ADAMTS6: variants seen among roughly 807,000 people sequenced by gnomAD.
ADAMTS6 encodes A disintegrin and metalloproteinase with thrombospondin motifs 6.
A neutral mutation model predicts 144.3 loss-of-function variants in ADAMTS6; 23 were observed. The ratio of observed to expected loss-of-function variants is 0.16; its 90% confidence interval spans 0.11 to 0.23. ADAMTS6 has a LOEUF of 0.23. Among genes scored for constraint, ADAMTS6 ranks in the 10% least tolerant of loss-of-function variants. ADAMTS6 has a pLI of 1.00. For synonymous variants in ADAMTS6, 444 were observed against 457.5 expected (o/e 0.97, Z 0.38); for missense variants, 999 against 1,379.6 (o/e 0.72, Z 4.37).
intron 9 of ADAMTS6, among the ~76,000 whole-genome samples, chr5:65,317,517 T>C (rs1745126554): frequency 6.6e-6 from 1 of 152,138 alleles, no homozygotes; most frequent in Non-Finnish European, 1.5e-5. Flanking sequence ...TACTGAGTAA[T>C]ATCCCACAAG....
At chr5:65,422,615 C>T (rs912178541) in intron 7 of ADAMTS6, among the ~76,000 whole-genome samples, 5 of 148,830 alleles carry the variant, frequency 3.4e-5, no homozygotes, top group Admixed American at 6.7e-5. Context: ...AGCGAGACTA[C>T]GTCTCAAAAA....
intron 11 of ADAMTS6, 85 bp from the exon 12 acceptor site, chr5:65,273,532 T>A: frequency 1.8e-6 from 2 of 1,107,188 alleles, no homozygotes; most frequent in East Asian, 2.4e-5. Context: ...CACTCTGCAT[T>A]ACTTTCAAGA....
intron 20 of ADAMTS6, among the ~76,000 whole-genome samples, chr5:65,199,845 G>C (rs1755621851): frequency 6.6e-6 from 1 of 152,182 alleles, no homozygotes; most frequent in African/African-American, 2.4e-5. Context: ...ATTATGAATT[G>C]ACTTAATTTT....
At chr5:65,158,960 T>C (rs530826518) in intron 24 of ADAMTS6, among the ~76,000 whole-genome samples, 1 of 152,312 alleles carries the variant, frequency 6.6e-6, no homozygotes, top group East Asian at 1.9e-4. Context: ...TCAAATTCCA[T>C]TATCTTATTA....
intron 15 of ADAMTS6, among the ~76,000 whole-genome samples, chr5:65,239,231 C>G (rs1758949967): frequency 6.8e-6 from 1 of 146,678 alleles, no homozygotes; most frequent in Non-Finnish European, 1.5e-5. Context: ...CAAACCTGTA[C>G]ATTGTGCACA....
chr5:65,268,335 G>A (rs538906275), intron 12 of ADAMTS6, among the ~76,000 whole-genome samples: 9 of 152,172 alleles, frequency 5.9e-5, no homozygotes, highest in Non-Finnish European at 1.2e-4. Flanking sequence ...ATTGGGTTTT[G>A]ATTATCCTTA....
chr5:65,293,914 G>T (rs753811887), intron 10 of ADAMTS6, among the ~76,000 whole-genome samples: 7 of 152,118 alleles, frequency 4.6e-5, no homozygotes, highest in Non-Finnish European at 8.8e-5. Flanking sequence ...AACACCATAT[G>T]AAATAAAATA....
chr5:65,215,503 C>T lies in ADAMTS6; in HGVS notation c.2273-16G>A, dbSNP rs1431948171. The T allele has an allele frequency of 1.3e-6, 2 of 1,593,364 alleles. No homozygotes were observed. The highest frequency in any genetic ancestry group is 2.7e-5 in the African/African-American group (2 of 73,970). ...GATTTTAAAGCTAGAAAACAAATCA[C>T]AATTCACCTAAAAATGTGAAATTTC... On this transcript the variant is annotated splice_polypyrimidine_tract_variant and intron_variant, in intron 18 of 24. Transcript: ENST00000381055.
At position 65,473,896 on chromosome 5, in the gene ADAMTS6, G is replaced by A. The variant is rs562347855; in HGVS notation, c.-223C>T. 213 of 515,336 alleles carry A rather than the reference G, an allele frequency of 4.1e-4. No individual in the cohort carries two copies. The highest frequency in any genetic ancestry group is 1.5e-3 in the Middle Eastern group (3 of 1,990). 31.9% of individuals were successfully genotyped at this position (515,336 alleles called of 1,614,324 possible). On this transcript the variant is annotated 5_prime_UTR_variant, in exon 2 of 25. Coordinates refer to ENST00000381055, the MANE Select transcript of ADAMTS6 (RefSeq NM_197941.4). ...AATGAAAAAAATAATGATGGTAAAA[G>A]TTTTCATAAGCAAAGCATTAGGCTG...
At chr5:65,358,324 A>G (rs1277285625) in intron 7 of ADAMTS6, among the ~76,000 whole-genome samples, 1 of 151,980 alleles carries the variant, frequency 6.6e-6, no homozygotes, top group African/African-American at 2.4e-5. Context: ...CCTAAACACA[A>G]TAAAGATCCT....
intron 7 of ADAMTS6, among the ~76,000 whole-genome samples, chr5:65,392,589 T>C (rs566213665): frequency 6.6e-6 from 1 of 152,352 alleles, no homozygotes; most frequent in African/African-American, 2.4e-5. Context: ...GTAGGATCCC[T>C]GTGTTCTTGT....
At chr5:65,362,542 T>C (rs886511896) in intron 7 of ADAMTS6, among the ~76,000 whole-genome samples, 6 of 152,316 alleles carry the variant, frequency 3.9e-5, no homozygotes, top group South Asian at 2.1e-4. Flanking sequence ...AAAATAAAAT[T>C]ATAAATCTAG....
chr5:65,179,419 C>T (rs1754192213), intron 22 of ADAMTS6, among the ~76,000 whole-genome samples: 1 of 152,066 alleles, frequency 6.6e-6, no homozygotes, highest in African/African-American at 2.4e-5. Flanking sequence ...CTGGTGGGGG[C>T]TCATAAATGA....
intron 17 of ADAMTS6, 41 bp downstream of exon 17, chr5:65,224,883 T>C (rs1351832303): frequency 1.3e-6 from 2 of 1,561,628 alleles, no homozygotes; most frequent in South Asian, 2.5e-5. Flanking sequence ...CTCCTCCAAG[T>C]ACACCAGAGG....
At chr5:65,255,578 A>T (rs1760579866) in intron 14 of ADAMTS6, among the ~76,000 whole-genome samples, 1 of 152,184 alleles carries the variant, frequency 6.6e-6, no homozygotes, top group Admixed American at 6.5e-5. Context: ...TACTTCAGAA[A>T]CAACACTGGA....
chr5:65,186,151 C>T (rs1754665901), intron 22 of ADAMTS6, among the ~76,000 whole-genome samples: 1 of 152,102 alleles, frequency 6.6e-6, no homozygotes, highest in Admixed American at 6.6e-5. Context: ...TTTCTCTTTT[C>T]AGGCATCCTT....
intron 7 of ADAMTS6, among the ~76,000 whole-genome samples, chr5:65,339,414 G>A (rs1387025627): frequency 6.8e-6 from 1 of 147,090 alleles, no homozygotes; most frequent in African/African-American, 2.6e-5. Flanking sequence ...TCTACCAGTT[G>A]CACAGAAATC....
intron 9 of ADAMTS6, among the ~76,000 whole-genome samples, chr5:65,318,005 G>A (rs1381199781): frequency 3.3e-5 from 5 of 149,648 alleles, no homozygotes; most frequent in South Asian, 4.3e-4. Context: ...AACCTGGGAG[G>A]TGGAGCTTGC....
intron 7 of ADAMTS6, among the ~76,000 whole-genome samples, chr5:65,398,128 A>C (rs761525972): frequency 6.6e-6 from 1 of 152,232 alleles, no homozygotes; most frequent in Non-Finnish European, 1.5e-5. Flanking sequence ...GTCTACAGAT[A>C]TCAATCATAT....
Sources: gnomAD v4.1 joint callset for allele counts (sites outside exome capture counted in the v4.1 genomes callset) on GRCh38, gnomAD v4.1.1 for gene constraint, MANE v1.5 for transcripts, NCBI Gene and HGNC (gene_info 2026-07-23, HGNC 2026-07-21) for gene names.